Variants in NFIA observed in about 807,000 individuals in gnomAD.
NFIA encodes nuclear factor I A.
A neutral mutation model predicts 62.8 loss-of-function variants in NFIA; 8 were observed. The ratio of observed to expected loss-of-function variants is 0.13; its 90% CI spans 0.07 to 0.23. The LOEUF (loss-of-function observed/expected upper bound fraction) is 0.23. NFIA is among the 10% of genes least tolerant of loss of function. The probability of loss-of-function intolerance (pLI) is 1.00; values close to 1 mark genes in which losing one functional copy is unlikely to be tolerated. For missense variants in NFIA, 410 were observed against 642.1 expected, an observed-to-expected ratio of 0.64 and a Z score of 3.91; for synonymous variants, 235 against 238.1, an observed-to-expected ratio of 0.99 and a Z score of 0.12.
intron 3 of NFIA, among the ~76,000 whole-genome samples, chr1:61,311,424 T>C (rs571910825): frequency 6.6e-6 from 1 of 151,866 alleles, no homozygotes; most frequent in South Asian, 2.1e-4. Context: ...AAAAACATAC[T>C]GTAGGGAGTT....
chr1:61,414,085 T>G (rs1666244560), intron 9 of NFIA, among the ~76,000 whole-genome samples: 1 of 151,378 alleles, frequency 6.6e-6, no homozygotes, highest in Non-Finnish European at 1.5e-5. Context: ...CTGGTTCAAG[T>G]GATTCTCATG....
intron 2 of NFIA, among the ~76,000 whole-genome samples, chr1:61,165,198 A>G (rs1248001942): frequency 6.6e-6 from 1 of 152,156 alleles, no homozygotes; most frequent in Non-Finnish European, 1.5e-5. Flanking sequence ...GAATTACTCT[A>G]TTTTTTAAAA....
intron 3 of NFIA, among the ~76,000 whole-genome samples, chr1:61,317,908 A>G (rs1660454816): frequency 1.3e-5 from 2 of 152,168 alleles, no homozygotes; most frequent in Admixed American, 6.5e-5. Context: ...AAACTTATGA[A>G]GTAAGTATAA....
At chr1:61,185,961 T>C (rs17121791) in intron 2 of NFIA, among the ~76,000 whole-genome samples, 23,176 of 152,176 alleles carry the variant, frequency 0.15, 2,802 homozygotes, top group African/African-American at 0.31. Flanking sequence ...CCCACAAGGA[T>C]GCAAACTACG....
chr1:61,320,360 A>G (rs897303567), intron 3 of NFIA, among the ~76,000 whole-genome samples: 7 of 152,192 alleles, frequency 4.6e-5, no homozygotes, highest in Non-Finnish European at 8.8e-5. Context: ...AGGTTCCACA[A>G]TTTAATAAAC....
At chr1:61,436,426 G>A (rs975511399) in intron 10 of NFIA, among the ~76,000 whole-genome samples, 3 of 152,118 alleles carry the variant, frequency 2.0e-5, no homozygotes, top group African/African-American at 7.2e-5. Flanking sequence ...CAAGAAATTG[G>A]CCTTACCGAA....
intron 2 of NFIA, among the ~76,000 whole-genome samples, chr1:61,254,107 G>A (rs1238284229): frequency 6.6e-6 from 1 of 152,150 alleles, no homozygotes; most frequent in Non-Finnish European, 1.5e-5. Context: ...TTTGTTTTGT[G>A]TGTTCCATCT....
At chr1:61,342,655 C>T (rs766659430) in intron 4 of NFIA, among the ~76,000 whole-genome samples, 3 of 152,078 alleles carry the variant, frequency 2.0e-5, no homozygotes, top group Non-Finnish European at 2.9e-5. Context: ...AGCAGAGAGG[C>T]GAGAAGGAGA....
At chr1:61,201,177 G>A (rs1052852116) in intron 2 of NFIA, among the ~76,000 whole-genome samples, 1 of 152,114 alleles carries the variant, frequency 6.6e-6, no homozygotes, top group Non-Finnish European at 1.5e-5. Context: ...TACCCTGATA[G>A]CGTAAAGAAT....
chr1:61,454,691 C>T (rs962074753), intron 10 of NFIA, among the ~76,000 whole-genome samples: 3 of 152,170 alleles, frequency 2.0e-5, no homozygotes, highest in Non-Finnish European at 4.4e-5. Flanking sequence ...CTGTGACTTG[C>T]TCAAAATCAC....
chr1:61,462,172 G>C lies in NFIA; in HGVS notation c.*6852G>C, dbSNP rs1198816231. The C allele has an allele frequency of 6.6e-6, 1 of 151,560 alleles. No homozygotes were observed. Among genetic ancestry groups the C allele is most frequent in the Non-Finnish European group, 1.5e-5 (1 of 67,944 alleles). 9.4% of individuals were successfully genotyped at this position (151,560 alleles called of 1,614,324 possible). A position where few individuals can be genotyped will look rare whatever the true frequency, so the allele number is the denominator to read the frequency against. On this transcript the variant is annotated 3_prime_UTR_variant, in exon 11 of 11. Transcript: ENST00000403491. ...GCCTTCTCCCTGGTCTCAGACCATCGTCTCTGCACTGCGAAGGCATTTGGT... is the reference window on the plus strand; with the variant it reads ...GCCTTCTCCCTGGTCTCAGACCATCCTCTCTGCACTGCGAAGGCATTTGGT...
chr1:61,242,974 A>G (rs1655433788), intron 2 of NFIA, among the ~76,000 whole-genome samples: 1 of 151,988 alleles, frequency 6.6e-6, no homozygotes, highest in Non-Finnish European at 1.5e-5. Flanking sequence ...ATTCTCTATC[A>G]CAAGGGGTAG....
intron 4 of NFIA, among the ~76,000 whole-genome samples, chr1:61,340,978 G>A (rs994618298): frequency 1.3e-5 from 2 of 149,586 alleles, no homozygotes; most frequent in African/African-American, 4.9e-5. Context: ...ATAGCAGAAT[G>A]TTTTAAAATT....
intron 3 of NFIA, among the ~76,000 whole-genome samples, chr1:61,306,064 A>G (rs980702965): frequency 6.6e-6 from 1 of 151,152 alleles, no homozygotes; most frequent in African/African-American, 2.4e-5. Context: ...GTTAGCCAGG[A>G]TGGTCTCAAT....
At chr1:61,335,786 G>T (rs377517736) in intron 4 of NFIA, among the ~76,000 whole-genome samples, 21 of 152,016 alleles carry the variant, frequency 1.4e-4, no homozygotes, top group African/African-American at 5.1e-4. Context: ...AGGTTGCAGT[G>T]AGCTGAGATC....
intron 2 of NFIA, among the ~76,000 whole-genome samples, chr1:61,190,464 ATG>A (rs1651540620): frequency 6.6e-6 from 1 of 152,242 alleles, no homozygotes; most frequent in Non-Finnish European, 1.5e-5. Context: ...AAAGTTCCAA[ATG>A]TGTGGCTTCC....
chr1:61,335,812 A>C (rs1213583433), intron 4 of NFIA, among the ~76,000 whole-genome samples: 1 of 152,060 alleles, frequency 6.6e-6, no homozygotes, highest in Non-Finnish European at 1.5e-5. Context: ...ATTGCACTCC[A>C]GGCTGGGTGA....
chr1:61,137,668 A>G (rs1056910227), intron 2 of NFIA, among the ~76,000 whole-genome samples: 1 of 152,084 alleles, frequency 6.6e-6, no homozygotes, highest in Non-Finnish European at 1.5e-5. Flanking sequence ...AAGCTCCTCT[A>G]GTGATTCCAG....
intron 2 of NFIA, among the ~76,000 whole-genome samples, chr1:61,109,107 T>G (rs971017029): frequency 1.3e-5 from 2 of 151,858 alleles, no homozygotes; most frequent in Non-Finnish European, 2.9e-5. Flanking sequence ...AATGTCTGGT[T>G]TGCATGGGTT....
Sources: allele counts gnomAD v4.1 joint callset (sites outside exome capture counted in the v4.1 genomes callset), GRCh38; gene constraint gnomAD v4.1.1; transcripts MANE v1.5; gene names NCBI Gene and HGNC (gene_info 2026-07-23, HGNC 2026-07-21).